The following ATP6V1H variants were observed in gnomAD, a reference collection of about 807,000 sequenced individuals.
ATP6V1H encodes the protein V-type proton ATPase subunit H.
Under a neutral mutation model 71.7 loss-of-function variants are expected in ATP6V1H, and 39 were observed. The ratio of observed to expected loss-of-function variants is 0.54; its 90% confidence interval spans 0.42 to 0.71. The LOEUF is 0.71. Ranked by LOEUF, ATP6V1H falls within the 30% of genes least tolerant of loss-of-function variation. The pLI, the probability that ATP6V1H is intolerant of heterozygous loss-of-function variation, is 0.00. For missense variants in ATP6V1H, 509 were observed against 594.9 expected (o/e 0.86, Z 1.50); for synonymous variants, 192 against 199.3 (o/e 0.96, Z 0.31).
chr8:53,765,515 T>C (rs1165620620), intron 11 of ATP6V1H, among the ~76,000 whole-genome samples: 2 of 118,580 alleles, frequency 1.7e-5, no homozygotes, highest in Non-Finnish European at 3.6e-5. Flanking sequence ...CCATCAGCAT[T>C]AGCACCAAAA....
chr8:53,831,992 G>T (rs1164681467), intron 3 of ATP6V1H: 1 of 151,946 alleles, frequency 6.6e-6, no homozygotes, highest in Non-Finnish European at 1.5e-5. Context: ...CAACAGTATA[G>T]AATTAGTTTA....
In ATP6V1H at chr8:53,795,827, C is replaced by T; in HGVS notation, c.690G>A (p.Val230=). The change falls in exon 9 of 14, where the codon GTG becomes GTA. Residue 230 remains valine, a synonymous_variant. Transcript: ENST00000359530. Reference sequence around the variant, plus strand: ...GCTGAAAGCCACACTTGTTACTCAACACTCCCATTATGCTGAAAAACAAAC... The same window carrying T: ...GCTGAAAGCCACACTTGTTACTCAATACTCCCATTATGCTGAAAAACAAAC... ...EADGVNCIMG[V]LSNKCGFQLQ... 6.2e-7 allele frequency: 1 copy of T among 1,604,828 alleles called. No homozygotes were observed. Among genetic ancestry groups the T allele is most frequent in the Non-Finnish European group, 8.5e-7 (1 of 1,177,112 alleles).
chr8:53,738,935 A>G (rs114856665), intron 13 of ATP6V1H, among the ~76,000 whole-genome samples: 2,948 of 152,286 alleles, frequency 0.019, 78 homozygotes, highest in African/African-American at 0.066. Flanking sequence ...ATGGGTTTTC[A>G]TATTTTTAAA....
intron 4 of ATP6V1H, among the ~76,000 whole-genome samples, chr8:53,820,678 A>AAAAAG (rs1563482041): frequency 4.0e-5 from 6 of 151,440 alleles, no homozygotes; most frequent in African/African-American, 1.5e-4. Flanking sequence ...AAAAAAAAAA[A>AAAAAG]AAAAGAAAAG....
chr8:53,741,450 T>G (rs187345438), intron 13 of ATP6V1H, among the ~76,000 whole-genome samples: 20 of 152,258 alleles, frequency 1.3e-4, no homozygotes, highest in African/African-American at 4.8e-4. Flanking sequence ...TTCAACACAA[T>G]GGGAAAATAA....
Position 53,739,118 on chromosome 8 carries a change from A to G in ATP6V1H, c.1391+4459T>C, listed in dbSNP as rs142457731. The stretch of plus-strand genomic sequence containing the variant: ...TAGAAAATTCCAGAGACCCAGAAAG[A>G]GAATCTAGAAATTAATTTAGAAATT... On this transcript the variant is annotated intron_variant, in intron 13 of 13. Transcript: ENST00000359530. Among the ~76,000 whole-genome samples the G allele has an allele frequency of 1.3e-3, 194 of 152,362 alleles. 1 individual carries two copies. The highest frequency in any genetic ancestry group is 2.2e-3 in the Non-Finnish European group (152 of 68,034).
intron 13 of ATP6V1H, among the ~76,000 whole-genome samples, chr8:53,717,076 T>C (rs2130060697): frequency 6.6e-6 from 1 of 152,280 alleles, no homozygotes; most frequent in African/African-American, 2.4e-5. Context: ...CATCGTCTCT[T>C]GCCTATCGCC....
chr8:53,742,881 A>G (rs1807465125), intron 13 of ATP6V1H, among the ~76,000 whole-genome samples: 1 of 152,154 alleles, frequency 6.6e-6, no homozygotes, highest in Non-Finnish European at 1.5e-5. Context: ...GAGGCTGGGG[A>G]ATGGAGAGGC....
At chr8:53,815,495 T>A (rs1420545984) in intron 5 of ATP6V1H, among the ~76,000 whole-genome samples, 1 of 152,200 alleles carries the variant, frequency 6.6e-6, no homozygotes, top group Admixed American at 6.5e-5. Flanking sequence ...CCTGTGCTGG[T>A]AGACTCATGT....
intron 12 of ATP6V1H, among the ~76,000 whole-genome samples, chr8:53,749,114 A>T (rs1807705256): frequency 6.6e-6 from 1 of 152,264 alleles, no homozygotes; most frequent in Non-Finnish European, 1.5e-5. Flanking sequence ...AACAGACTTC[A>T]TCACATTATC....
At chr8:53,732,402 G>C (rs889305689) in intron 13 of ATP6V1H, among the ~76,000 whole-genome samples, 10 of 152,098 alleles carry the variant, frequency 6.6e-5, no homozygotes, top group African/African-American at 2.4e-4. Flanking sequence ...CTTAAAAAAG[G>C]TTGTGCAGGG....
intron 5 of ATP6V1H, among the ~76,000 whole-genome samples, chr8:53,816,794 C>CA (rs1345566869): frequency 1.1e-4 from 16 of 142,794 alleles, no homozygotes; most frequent in South Asian, 4.6e-4. Flanking sequence ...GACCCCGTCT[C>CA]AAAAAAAAAA....
At chr8:53,777,953 C>A (rs1054312158) in intron 9 of ATP6V1H, among the ~76,000 whole-genome samples, 1 of 152,142 alleles carries the variant, frequency 6.6e-6, no homozygotes, top group Non-Finnish European at 1.5e-5. Flanking sequence ...CACTGTTTTT[C>A]CCTCTTTACT....
intron 13 of ATP6V1H, among the ~76,000 whole-genome samples, chr8:53,727,897 C>A (rs1185831214): frequency 6.6e-6 from 1 of 152,204 alleles, no homozygotes; most frequent in East Asian, 1.9e-4. Flanking sequence ...AGCCAGACTG[C>A]CAATCTTGAT....
intron 4 of ATP6V1H, among the ~76,000 whole-genome samples, chr8:53,822,819 A>C (rs1461134554): frequency 6.6e-6 from 1 of 152,198 alleles, no homozygotes; most frequent in African/African-American, 2.4e-5. Context: ...GACAATCAGA[A>C]ACAACAAGAA....
intron 8 of ATP6V1H, among the ~76,000 whole-genome samples, chr8:53,801,018 A>T (rs1045928851): frequency 6.6e-6 from 1 of 152,230 alleles, no homozygotes; most frequent in Non-Finnish European, 1.5e-5. Context: ...TGACAATTCA[A>T]ATAACAACTC....
At chr8:53,759,694 T>C (rs1563453091) in intron 11 of ATP6V1H, among the ~76,000 whole-genome samples, 1 of 152,252 alleles carries the variant, frequency 6.6e-6, no homozygotes, top group Non-Finnish European at 1.5e-5. Context: ...TCCTCAGTTT[T>C]AGAAACTTGT....
chr8:53,721,684 C>T (rs73587641), intron 13 of ATP6V1H, among the ~76,000 whole-genome samples: 2,968 of 152,140 alleles, frequency 0.02, 107 homozygotes, highest in African/African-American at 0.069. Context: ...ATAGTTTTAA[C>T]GACTAATAGT....
At chr8:53,719,084 TCC>T in intron 13 of ATP6V1H, among the ~76,000 whole-genome samples, 1 of 152,216 alleles carries the variant, frequency 6.6e-6, no homozygotes, top group Admixed American at 6.5e-5. Flanking sequence ...GAACTGTGGC[TCC>T]ACTGAAAAGG....
Sources: allele counts gnomAD v4.1 joint callset (sites outside exome capture counted in the v4.1 genomes callset), GRCh38; gene constraint gnomAD v4.1.1; transcripts MANE v1.5; gene names NCBI Gene and HGNC (gene_info 2026-07-23, HGNC 2026-07-21).